Variants in ERAP1 observed in about 807,000 individuals in gnomAD.
The protein encoded by ERAP1 is endoplasmic reticulum aminopeptidase 1, also known as adipocyte-derived leucine aminopeptidase.
ERAP1 carries 86 observed loss-of-function variants against 103.7 expected under a neutral mutation model. That is an observed-to-expected ratio of 0.83 (90% CI 0.70 to 0.99). ERAP1 has a LOEUF of 0.99. Ranked by LOEUF, ERAP1 falls within the 50% of genes least tolerant of loss-of-function variation. ERAP1 has a pLI of 0.00. For missense variants in ERAP1, 1,009 were observed against 1,128.4 expected (o/e 0.89, Z 1.52); for synonymous variants, 398 against 402.4 (o/e 0.99, Z 0.13).
In ERAP1 at chr5:96,790,574, A is replaced by G; in HGVS notation, c.1390T>C (p.Tyr464His). Residue 464 changes from tyrosine (Y) to histidine (H), a missense_variant, in exon 9 of 19, where the codon TAT becomes CAT. By Grantham distance (83) the Tyr-to-His change is moderately conservative. This residue lies in a region of ERAP1 where 611 missense variants were observed against 651.7 expected (regional missense o/e 0.94). Coordinates refer to ENST00000443439, the MANE Select transcript of ERAP1 (RefSeq NM_001040458.3). ...ADAFKSGIVQ[Y>H]LQKHSYKNTK... ...TTTTTATAGCTATGCTTCTGGAGAT[A>G]CTGTACAATACCACTTTTAAATGCG... is the stretch of plus-strand genomic sequence containing the variant. 4 of 1,613,000 alleles carry G rather than the reference A, an allele frequency of 2.5e-6. No individual in the cohort carries two copies. Among genetic ancestry groups the G allele is most frequent in the South Asian group, 2.2e-5 (2 of 91,066 alleles).
At chr5:96,907,752 A>G in the ERAP1 span, among the ~76,000 whole-genome samples, 1 of 152,046 alleles carries the variant, frequency 6.6e-6, no homozygotes, top group Non-Finnish European at 1.5e-5. Flanking sequence ...GCATGGTGGC[A>G]CATGGCTATA....
intron 16 of ERAP1, 66 bp downstream of exon 16, chr5:96,781,627 G>A (rs959837444): frequency 1.1e-5 from 18 of 1,601,736 alleles, no homozygotes; most frequent in Admixed American, 1.0e-4. Flanking sequence ...AAAAATAGAT[G>A]CCAGAATGAT....
chr5:96,778,534 A>C (rs1774684771), intron 18 of ERAP1, among the ~76,000 whole-genome samples: 1 of 152,206 alleles, frequency 6.6e-6, no homozygotes, highest in South Asian at 2.1e-4. Flanking sequence ...TGAGAGAGTA[A>C]GCCAGGAGCG....
rs1213475131 is a variant in ERAP1 at position 96,797,191 on chromosome 5, G to T, written c.782C>A (p.Thr261Asn). 6.2e-7 allele frequency: 1 copy of T among 1,614,078 alleles called. No individual in the cohort carries two copies. The highest frequency in any genetic ancestry group is 1.7e-5 in the Admixed American group (1 of 60,016). The change falls in exon 4 of 19, where the codon ACC (threonine) becomes AAC (asparagine). Residue 261 changes from threonine (T) to asparagine (N), a missense_variant. Thr to Asn is a moderately conservative substitution (Grantham distance 65, BLOSUM62 0). This residue lies in a region of ERAP1 where 392 missense variants were observed against 455.2 expected (regional missense o/e 0.86). Coordinates refer to ENST00000443439, the MANE Select transcript of ERAP1 (RefSeq NM_001040458.3). ...TAGGCTCACCTTGACTCCACTCTTG[G>T]TTATCTTGCTGACAGACTCAAAATC... is the stretch of plus-strand genomic sequence containing the variant. ...ISDFESVSKI[T>N]KSGVKVSVYA...
At chr5:96,933,404 A>AT in the ERAP1 span, among the ~76,000 whole-genome samples, 4 of 151,370 alleles carry the variant, frequency 2.6e-5, no homozygotes, top group East Asian at 3.9e-4. Flanking sequence ...GGCTAATTTT[A>AT]TTTTTTGTAT....
chr5:96,765,275 C>G, intron 19 of ERAP1: 3 of 1,553,256 alleles, frequency 1.9e-6, no homozygotes, highest in Non-Finnish European at 2.6e-6. Flanking sequence ...CAGTCTAGGA[C>G]AAAGGCAGCC....
chr5:96,888,301 A>G, the ERAP1 span, among the ~76,000 whole-genome samples: 1 of 152,206 alleles, frequency 6.6e-6, no homozygotes, highest in African/African-American at 2.4e-5. Flanking sequence ...ATGCATAGAC[A>G]TGGATGTGCA....
At chr5:96,875,335 G>A in the ERAP1 span, among the ~76,000 whole-genome samples, 3 of 151,960 alleles carry the variant, frequency 2.0e-5, no homozygotes, top group Non-Finnish European at 4.4e-5. Context: ...AGGAGTTTGA[G>A]ACCAGCCTGA....
the ERAP1 span, among the ~76,000 whole-genome samples, chr5:96,845,842 T>C: frequency 6.6e-6 from 1 of 152,188 alleles, no homozygotes; most frequent in Non-Finnish European, 1.5e-5. Flanking sequence ...AACTTTTGTA[T>C]ATGTTCTGAG....
chr5:96,849,469 A>G, the ERAP1 span, among the ~76,000 whole-genome samples: 1 of 152,202 alleles, frequency 6.6e-6, no homozygotes, highest in African/African-American at 2.4e-5. Context: ...TCCATACACT[A>G]ACAATGAAGT....
the ERAP1 span, among the ~76,000 whole-genome samples, chr5:96,893,356 G>A: frequency 4.6e-5 from 7 of 152,096 alleles, no homozygotes; most frequent in Admixed American, 2.0e-4. Context: ...ATCCTTTATC[G>A]TCACCACAAT....
the ERAP1 span, chr5:96,896,641 CAT>C: frequency 0.5 from 731,851 of 1,455,906 alleles, 185,261 homozygotes; most frequent in Middle Eastern, 0.58. Flanking sequence ...AGACATCACA[CAT>C]GTTCCGTAAA....
chr5:96,815,412 TTA>T, the ERAP1 span, among the ~76,000 whole-genome samples: 8 of 118,186 alleles, frequency 6.8e-5, no homozygotes, highest in African/African-American at 1.3e-4. Flanking sequence ...GTTTTGTTTT[TTA>T]TTTTTTTTTT....
intron 1 of ERAP1, 144 bp downstream of exon 1, chr5:96,807,716 C>T (rs1455505717): frequency 1.5e-5 from 8 of 518,838 alleles, no homozygotes; most frequent in Non-Finnish European, 2.0e-5. Flanking sequence ...CCTCCCGCGC[C>T]CCGTCTCCCT....
chr5:96,783,160 T>G lies in ERAP1; in HGVS notation c.2176A>C (p.Met726Leu). 1 of 1,614,220 alleles carries G rather than the reference T, an allele frequency of 6.2e-7. No homozygotes were observed. The highest frequency in any genetic ancestry group is 8.5e-7 in the Non-Finnish European group (1 of 1,180,042). Residue 726 changes from methionine (M) to leucine (L), a missense_variant, in exon 15 of 19, where the codon ATG becomes CTG. Met to Leu is a conservative substitution (Grantham distance 15, BLOSUM62 2). This residue lies in a region of ERAP1 where 611 missense variants were observed against 651.7 expected (regional missense o/e 0.94). Coordinates refer to ENST00000443439, the MANE Select transcript of ERAP1 (RefSeq NM_001040458.3). Reference sequence around the variant, plus strand: ...AGGAGTAGTAGTTGACTCCGCAGCATTCGCTCTGAGACTGAGCCCTCGTCT... The same window carrying G: ...AGGAGTAGTAGTTGACTCCGCAGCAGTCGCTCTGAGACTGAGCCCTCGTCT... ...WTDEGSVSER[M>L]LRSQLLLLAC...
the ERAP1 span, among the ~76,000 whole-genome samples, chr5:96,858,217 C>T: frequency 0.047 from 6,503 of 137,084 alleles, 181 homozygotes; most frequent in South Asian, 0.11. Context: ...TGTTCTTCTT[C>T]TTTTTTTTTT....
chr5:96,779,484 G>T (rs1001561529), intron 18 of ERAP1: 7 of 152,098 alleles, frequency 4.6e-5, no homozygotes, highest in Non-Finnish European at 7.4e-5. Context: ...CTGGAAAAAA[G>T]CTACGAGACT....
the ERAP1 span, among the ~76,000 whole-genome samples, chr5:96,818,890 CTGCA>C: frequency 7.4e-6 from 1 of 135,726 alleles, no homozygotes; most frequent in African/African-American, 2.7e-5. Flanking sequence ...CAAACCTGAA[CTGCA>C]TTTATTTATT....
At chr5:96,896,790 G>GAATA in the ERAP1 span, 1 of 1,401,868 alleles carries the variant, frequency 7.1e-7, no homozygotes, top group Non-Finnish European at 9.4e-7. Context: ...TTCCAGAAAG[G>GAATA]AATAATTCAG....
Sources: gnomAD v4.1 joint callset for allele counts (sites outside exome capture counted in the v4.1 genomes callset) on GRCh38, gnomAD v4.1.1 for gene constraint, gnomAD v4.1.1 regional missense constraint, MANE v1.5 for transcripts, NCBI Gene and HGNC (gene_info 2026-07-23, HGNC 2026-07-21) for gene names.